The following SNUPN variants were observed in gnomAD, a reference collection of about 807,000 sequenced individuals.
The protein encoded by SNUPN is snurportin-1.
In SNUPN, 31 loss-of-function variants were observed where a neutral mutation model predicts 39.2. That is an observed-to-expected ratio of 0.79 (90% CI 0.59 to 1.07). The LOEUF (loss-of-function observed/expected upper bound fraction) is 1.07, where lower values mean the gene tolerates loss of function less well. Ranked by LOEUF, SNUPN falls within the 50% of genes least tolerant of loss-of-function variation. The pLI is 0.00. For missense variants in SNUPN, 382 were observed against 434.2 expected, an observed-to-expected ratio of 0.88 and a Z score of 1.07; for synonymous variants, 132 against 159.0, an observed-to-expected ratio of 0.83 and a Z score of 1.28.
In SNUPN at chr15:75,607,364, TC is replaced by T. The variant is rs750985608; in HGVS notation, c.503-52del. On this transcript the variant is annotated intron_variant, in intron 5 of 8. Coordinates refer to ENST00000308588, the MANE Select transcript of SNUPN (RefSeq NM_005701.4). ...CACAGAGTTCTTCTTCCAACCAGGT[TC>T]CCTCCACCACAACCTAGGGAGCCCC... is the stretch of plus-strand genomic sequence containing the variant. 78 of 1,262,360 alleles carry T rather than the reference TC, an allele frequency of 6.2e-5. 1 individual carries two copies. The East Asian group carries it at 1.7e-3, about 28-fold the overall frequency. The allele number at this position is 1,262,360 out of a possible 1,614,324, so 78.2% of individuals were successfully genotyped here.
chr15:75,613,258 C>CAAAAAAA (rs905447706), intron 3 of SNUPN, among the ~76,000 whole-genome samples: 3 of 40,600 alleles, frequency 7.4e-5, no homozygotes, highest in Admixed American at 3.2e-4. Flanking sequence ...GACTCCATCT[C>CAAAAAAA]AAAAAAAAAA....
intron 3 of SNUPN, among the ~76,000 whole-genome samples, chr15:75,610,651 T>C (rs1438042192): frequency 6.6e-6 from 1 of 152,162 alleles, no homozygotes; most frequent in Non-Finnish European, 1.5e-5. Flanking sequence ...ATCATTACTA[T>C]TATGTTTGCC....
chr15:75,607,177 G>A (rs771506728), intron 6 of SNUPN, 39 bp downstream of exon 6: 34 of 1,445,802 alleles, frequency 2.4e-5, no homozygotes, highest in Admixed American at 3.3e-5. Context: ...GAGGAGAGGA[G>A]AAGACAGGAA....
At chr15:75,624,588 G>T (rs1893169193) in intron 1 of SNUPN, 3 of 301,226 alleles carry the variant, frequency 1.0e-5, no homozygotes, top group Non-Finnish European at 1.5e-5. Context: ...CAGGAGAATG[G>T]CTTGAACCCG....
intron 1 of SNUPN, 66 bp downstream of exon 1, chr15:75,625,600 T>G: frequency 6.8e-6 from 1 of 148,022 alleles, no homozygotes. Context: ...CCAGAGGGAG[T>G]CACAGTCCGG....
intron 3 of SNUPN, among the ~76,000 whole-genome samples, chr15:75,616,224 AG>A (rs984594455): frequency 5.4e-5 from 8 of 148,944 alleles, no homozygotes; most frequent in East Asian, 2.0e-4. Context: ...TGGGAGGCCG[AG>A]GGGGGTGGAT....
At chr15:75,615,383 G>A (rs1892896292) in intron 3 of SNUPN, among the ~76,000 whole-genome samples, 1 of 151,944 alleles carries the variant, frequency 6.6e-6, no homozygotes, top group Non-Finnish European at 1.5e-5. Flanking sequence ...TACCCTAACT[G>A]GCCTGCAAAC....
chr15:75,599,023 C>G (rs1254516101), intron 8 of SNUPN, among the ~76,000 whole-genome samples: 1 of 151,762 alleles, frequency 6.6e-6, no homozygotes, highest in African/African-American at 2.4e-5. Context: ...AAAAAAATAG[C>G]CAGGCATGTG....
At chr15:75,609,821 A>T in intron 4 of SNUPN, 69 bp downstream of exon 4, 1 of 1,336,424 alleles carries the variant, frequency 7.5e-7, no homozygotes, top group Non-Finnish European at 1.1e-6. Context: ...GTATGAGGAA[A>T]ATGGAGCACA....
At chr15:75,603,643 G>A (rs560741109) in intron 7 of SNUPN, among the ~76,000 whole-genome samples, 82 of 146,316 alleles carry the variant, frequency 5.6e-4, no homozygotes, top group African/African-American at 1.7e-3. Context: ...CCTGGGTGAC[G>A]GAGCGAGACT....
At position 75,612,895 on chromosome 15, in the gene SNUPN, C is replaced by CA. The variant is rs1170619103; in HGVS notation, c.304-2902dup. On this transcript the variant is annotated intron_variant, in intron 3 of 8. Transcript: ENST00000308588. ...GCTGCCAACAATATCACCAAGAAGA[C>CA]AAAAAGACAACCCACAGAATGAAAG... Among the ~76,000 whole-genome samples the CA allele has an allele frequency of 2.6e-5, 4 of 151,640 alleles. No individual in the cohort carries two copies. In the South Asian group the frequency reaches 8.3e-4, roughly 32 times the overall value.
chr15:75,622,468 A>C (rs1279353918), intron 1 of SNUPN: 1 of 985,300 alleles, frequency 1.0e-6, no homozygotes, highest in Non-Finnish European at 1.2e-6. Flanking sequence ...TTTTGAAAAC[A>C]GACTTCCCAC....
intron 3 of SNUPN, among the ~76,000 whole-genome samples, chr15:75,610,944 C>T (rs538140636): frequency 3.3e-5 from 5 of 151,948 alleles, no homozygotes; most frequent in South Asian, 2.1e-4. Flanking sequence ...CCAAGGCGGG[C>T]GGATCACGAG....
chr15:75,598,986 G>GT (rs2075264396), intron 8 of SNUPN, among the ~76,000 whole-genome samples: 1 of 151,974 alleles, frequency 6.6e-6, no homozygotes, highest in Admixed American at 6.6e-5. Flanking sequence ...GGGCAACATG[G>GT]TAAGACTCCA....
At chr15:75,607,447 G>C (rs1290085129) in intron 5 of SNUPN, 134 bp from the exon 6 acceptor site, 3 of 656,420 alleles carry the variant, frequency 4.6e-6, no homozygotes, top group African/African-American at 3.6e-5. Context: ...CTGGCACTAA[G>C]GACTAAGGAT....
intron 3 of SNUPN, among the ~76,000 whole-genome samples, chr15:75,611,262 T>A (rs1384459126): frequency 1.3e-5 from 2 of 151,604 alleles, no homozygotes; most frequent in African/African-American, 4.8e-5. Flanking sequence ...TCCCAATCTT[T>A]TTTTTTTTGA....
At chr15:75,608,404 G>A (rs1595983978) in intron 5 of SNUPN, among the ~76,000 whole-genome samples, 2 of 152,080 alleles carry the variant, frequency 1.3e-5, no homozygotes, top group African/African-American at 4.8e-5. Flanking sequence ...GAGAAGTCTG[G>A]GCTCAGTACA....
intron 1 of SNUPN, among the ~76,000 whole-genome samples, chr15:75,624,487 C>A (rs1173390143): frequency 8.4e-6 from 1 of 118,960 alleles, no homozygotes; most frequent in South Asian, 2.8e-4. Context: ...AGTGAAACCC[C>A]GTCTCTACTA....
intron 5 of SNUPN, among the ~76,000 whole-genome samples, chr15:75,607,873 C>G (rs1043666203): frequency 2.6e-5 from 4 of 152,082 alleles, no homozygotes; most frequent in Admixed American, 2.6e-4. Context: ...TCTTCTGGGA[C>G]CAGCCGGGTT....
Sources: allele counts gnomAD v4.1 joint callset (sites outside exome capture counted in the v4.1 genomes callset), GRCh38; gene constraint gnomAD v4.1.1; transcripts MANE v1.5; gene names NCBI Gene and HGNC (gene_info 2026-07-23, HGNC 2026-07-21).